Variants in KIAA1671 observed in about 807,000 individuals in gnomAD.
KIAA1671 encodes the protein uncharacterized protein KIAA1671.
Under a neutral mutation model 131.2 loss-of-function variants are expected in KIAA1671, and 52 were observed. The ratio of observed to expected loss-of-function variants is 0.40; its 90% CI spans 0.32 to 0.50. The LOEUF (loss-of-function observed/expected upper bound fraction) is 0.50, where lower values mean the gene tolerates loss of function less well. KIAA1671 is among the 20% of genes least tolerant of loss of function. KIAA1671 has a pLI of 0.73. For missense variants in KIAA1671, 2,360 were observed against 2,364.2 expected, an observed-to-expected ratio of 1.00 and a Z score of 0.04; for synonymous variants, 1,003 against 961.6, an observed-to-expected ratio of 1.04 and a Z score of -0.80.
intron 1 of KIAA1671, chr22:25,009,575 C>CT (rs1280779757): frequency 2.8e-5 from 4 of 143,742 alleles, no homozygotes; most frequent in Admixed American, 7.0e-5. Context: ...CCCTTCCCCA[C>CT]TTTTTTTTTC....
chr22:25,145,319 G>T (rs962363728), intron 6 of KIAA1671, among the ~76,000 whole-genome samples: 2 of 152,226 alleles, frequency 1.3e-5, no homozygotes, highest in African/African-American at 4.8e-5. Context: ...GAAAGCTGGA[G>T]GGAGTTGGGA....
chr22:24,986,371 A>T (rs1035491020), intron 1 of KIAA1671, among the ~76,000 whole-genome samples: 3 of 152,086 alleles, frequency 2.0e-5, no homozygotes, highest in African/African-American at 7.2e-5. Flanking sequence ...TTTGCATGTA[A>T]CCTATACATA....
In KIAA1671 at chr22:25,039,855, C is replaced by G; in HGVS notation, c.2725C>G (p.Gln909Glu). ...ARTHPDAFAV[Q>E]KGPFIVAARE... Reference sequence around the variant, plus strand: ...AACACATCCAGATGCATTTGCTGTGCAGAAAGGGCCCTTCATTGTAGCCGC... The same window carrying G: ...AACACATCCAGATGCATTTGCTGTGGAGAAAGGGCCCTTCATTGTAGCCGC... Residue 909 changes from glutamine (Q) to glutamate (E), a missense_variant, in exon 5 of 13, where the codon CAG (glutamine) becomes GAG (glutamate). By Grantham distance (29) the Gln-to-Glu change is conservative. This residue lies in a region of KIAA1671 where 1,161 missense variants were observed against 1,204.7 expected (regional missense o/e 0.96). Transcript: ENST00000358431. The G allele has an allele frequency of 6.4e-6, 10 of 1,550,706 alleles. No homozygotes were observed. Among genetic ancestry groups the G allele is most frequent in the Non-Finnish European group, 8.7e-6 (10 of 1,146,532 alleles).
chr22:25,070,214 G>T (rs949578837), intron 6 of KIAA1671: 3 of 395,252 alleles, frequency 7.6e-6, no homozygotes, highest in Non-Finnish European at 1.3e-5. Flanking sequence ...TAGTGGAGCC[G>T]ACTGGCTGGT....
chr22:24,975,600 G>C (rs954914869), intron 1 of KIAA1671, among the ~76,000 whole-genome samples: 2 of 152,166 alleles, frequency 1.3e-5, no homozygotes, highest in Admixed American at 1.3e-4. Flanking sequence ...GCTTATTGCT[G>C]TCACCTATGT....
chr22:25,116,942 A>C lies in KIAA1671; in HGVS notation c.4531-53878A>C, dbSNP rs564192896. ...ACCTCAAACTATTGCTGTATATTAG[A>C]GTTTCTCAGCCTCAGCTCTAATGAT... is the stretch of plus-strand genomic sequence containing the variant. On this transcript the variant is annotated intron_variant, in intron 6 of 12. Coordinates refer to ENST00000358431, the MANE Select transcript of KIAA1671 (RefSeq NM_001145206.2). 1.3e-3 allele frequency among the ~76,000 whole-genome samples: 195 copies of C among 152,282 alleles called. 3 individuals carry two copies. The South Asian group carries it at 0.031, about 24-fold the overall frequency.
intron 4 of KIAA1671, 67 bp from the exon 5 acceptor site, chr22:25,038,693 A>C: frequency 7.0e-7 from 1 of 1,435,382 alleles, no homozygotes; most frequent in Non-Finnish European, 9.3e-7. Flanking sequence ...CAATTACTCC[A>C]CTTTTTCCTT....
chr22:25,113,308 A>T (rs1462052226), intron 6 of KIAA1671, among the ~76,000 whole-genome samples: 1 of 152,104 alleles, frequency 6.6e-6, no homozygotes, highest in East Asian at 1.9e-4. Context: ...AGACCCTCCC[A>T]ATTAATTCAG....
At chr22:25,138,111 G>A (rs563430404) in intron 6 of KIAA1671, among the ~76,000 whole-genome samples, 1 of 152,298 alleles carries the variant, frequency 6.6e-6, no homozygotes, top group Admixed American at 6.5e-5. Context: ...AAACTTCAGT[G>A]GCTTAAAACA....
chr22:25,003,020 G>C (rs989709526), intron 1 of KIAA1671, among the ~76,000 whole-genome samples: 3 of 152,098 alleles, frequency 2.0e-5, no homozygotes, highest in Non-Finnish European at 4.4e-5. Flanking sequence ...TGATCCATCC[G>C]CCTCGGCCTC....
chr22:25,146,148 T>C (rs919085981), intron 6 of KIAA1671, among the ~76,000 whole-genome samples: 1 of 152,178 alleles, frequency 6.6e-6, no homozygotes, highest in Non-Finnish European at 1.5e-5. Context: ...TAGAATCTCA[T>C]AGTAACACTA....
Position 25,028,476 on chromosome 22 carries a change from G to C in KIAA1671, c.477G>C (p.Ala159=). Residue 159 remains alanine, a synonymous_variant, in exon 3 of 13, where the codon GCG becomes GCC. Coordinates refer to ENST00000358431, the MANE Select transcript of KIAA1671 (RefSeq NM_001145206.2). The part of the protein sequence containing the change: ...TTKSGPALGK[A]VSEGAEEAKL... The stretch of plus-strand genomic sequence containing the variant: ...AAAGCGGCCCCGCTCTGGGGAAGGC[G>C]GTTAGTGAGGGGGCGGAGGAGGCCA... The C allele has an allele frequency of 1.3e-6, 2 of 1,549,994 alleles. No individual in the cohort carries two copies. Among genetic ancestry groups the C allele is most frequent in the Admixed American group, 3.9e-5 (2 of 50,892 alleles).
intron 3 of KIAA1671, among the ~76,000 whole-genome samples, chr22:25,030,700 A>G (rs1335647025): frequency 6.6e-6 from 1 of 152,242 alleles, no homozygotes; most frequent in Non-Finnish European, 1.5e-5. Context: ...GTTAATAATG[A>G]TATTCTAAAC....
At chr22:24,960,766 G>A (rs1921978906) in intron 1 of KIAA1671, among the ~76,000 whole-genome samples, 2 of 149,768 alleles carry the variant, frequency 1.3e-5, no homozygotes, top group Non-Finnish European at 3.0e-5. Context: ...CCAGGATGTG[G>A]AACTTTAGGG....
chr22:25,050,735 G>A (rs964027260), intron 6 of KIAA1671: 7 of 152,262 alleles, frequency 4.6e-5, no homozygotes, highest in African/African-American at 1.7e-4. Context: ...TGTTTACTGA[G>A]CAGCCCAGGA....
chr22:25,099,838 G>A (rs1405442922), intron 6 of KIAA1671, among the ~76,000 whole-genome samples: 6 of 152,200 alleles, frequency 3.9e-5, no homozygotes, highest in East Asian at 1.9e-4. Flanking sequence ...AGCCACACTC[G>A]TTCCAATGGT....
intron 1 of KIAA1671, among the ~76,000 whole-genome samples, chr22:24,953,947 G>A (rs1465106354): frequency 6.6e-6 from 1 of 152,062 alleles, no homozygotes; most frequent in African/African-American, 2.4e-5. Flanking sequence ...ATCCAGATGG[G>A]GACCCTCTGG....
At chr22:25,172,586 G>A (rs1022450843) in intron 7 of KIAA1671, among the ~76,000 whole-genome samples, 1 of 152,192 alleles carries the variant, frequency 6.6e-6, no homozygotes, top group Non-Finnish European at 1.5e-5. Context: ...CTTGTCAGGT[G>A]TGCCCACCTG....
chr22:25,107,349 G>A (rs991280147), intron 6 of KIAA1671, among the ~76,000 whole-genome samples: 29 of 152,094 alleles, frequency 1.9e-4, no homozygotes, highest in African/African-American at 6.0e-4. Flanking sequence ...CCCAGGAGGC[G>A]GAGTTTGCAG....
Sources: gnomAD v4.1 joint callset for allele counts (sites outside exome capture counted in the v4.1 genomes callset) on GRCh38, gnomAD v4.1.1 for gene constraint, gnomAD v4.1.1 regional missense constraint, MANE v1.5 for transcripts, NCBI Gene and HGNC (gene_info 2026-07-23, HGNC 2026-07-21) for gene names.